The following SCYL2 variants were observed in gnomAD, a reference collection of about 807,000 sequenced individuals.
The protein encoded by SCYL2 is SCY1 like pseudokinase 2.
A neutral mutation model predicts 100.4 loss-of-function variants in SCYL2; 36 were observed. The observed-to-expected ratio is 0.36, with a 90% CI of 0.27 to 0.47. The LOEUF (loss-of-function observed/expected upper bound fraction) is 0.47, where lower values mean the gene tolerates loss of function less well. SCYL2 is among the 20% of genes least tolerant of loss of function. The pLI is 1.00. For synonymous variants in SCYL2, 330 were observed against 359.2 expected, an observed-to-expected ratio of 0.92 and a Z score of 0.92; for missense variants, 902 against 1,083.9, an observed-to-expected ratio of 0.83 and a Z score of 2.36.
At chr12:100,322,097 G>C (rs1312339236) in intron 10 of SCYL2, among the ~76,000 whole-genome samples, 1 of 150,538 alleles carries the variant, frequency 6.6e-6, no homozygotes, top group East Asian at 1.9e-4. Flanking sequence ...AAAGGGCCGG[G>C]CGCGGTGGCT....
intron 17 of SCYL2, among the ~76,000 whole-genome samples, chr12:100,338,261 CT>C (rs1344355530): frequency 6.6e-6 from 1 of 151,998 alleles, no homozygotes; most frequent in Non-Finnish European, 1.5e-5. Flanking sequence ...GAATGCGATT[CT>C]TTTTTTGACA....
intron 2 of SCYL2, among the ~76,000 whole-genome samples, chr12:100,287,954 G>A (rs1312656646): frequency 6.6e-6 from 1 of 152,200 alleles, no homozygotes; most frequent in Non-Finnish European, 1.5e-5. Context: ...AGGCACATAA[G>A]ACGTTGTTTC....
In SCYL2 at chr12:100,338,732, T is replaced by G. The variant is rs1413241140; in HGVS notation, c.2350T>G (p.Phe784Val). The stretch of plus-strand genomic sequence containing the variant: ...CAATATGGGCTTTCAGACTTCAGGA[T>G]TCAACATGCCCGTTAATACAAACCA... ...NANMGFQTSG[F>V]NMPVNTNQNF... Residue 784 changes from phenylalanine to valine, a missense_variant, in exon 18 of 18, where the codon TTC becomes GTC. Phe to Val is a conservative substitution (Grantham distance 50). Coordinates refer to ENST00000360820, the MANE Select transcript of SCYL2 (RefSeq NM_017988.6). 1.2e-6 allele frequency: 2 copies of G among 1,614,114 alleles called. No individual in the cohort carries two copies. The highest frequency in any genetic ancestry group is 4.5e-5 in the East Asian group (2 of 44,876).
intron 4 of SCYL2, among the ~76,000 whole-genome samples, chr12:100,305,427 G>C (rs1478376163): frequency 6.6e-6 from 1 of 152,128 alleles, no homozygotes; most frequent in African/African-American, 2.4e-5. Context: ...CGAAATTAAG[G>C]CAGAAATAAA....
intron 1 of SCYL2, among the ~76,000 whole-genome samples, chr12:100,280,562 C>T (rs1430826838): frequency 6.6e-6 from 1 of 152,150 alleles, no homozygotes; most frequent in African/African-American, 2.4e-5. Flanking sequence ...TGTCAACAGA[C>T]ATCATCACAA....
At position 100,315,743 on chromosome 12, in the gene SCYL2, T is replaced by C. The variant is rs1348274559; in HGVS notation, c.1272+9T>C. On this transcript the variant is annotated intron_variant, in intron 9 of 17. Transcript: ENST00000360820. ...AGCAGGAGCCAATCCAGGTATGTTA[T>C]AGATATTTTTGTGTATTTATCTACT... is the stretch of plus-strand genomic sequence containing the variant. 15 of 1,589,048 alleles carry C rather than the reference T, an allele frequency of 9.4e-6. No homozygotes were observed. The highest frequency in any genetic ancestry group is 1.7e-4 in the Middle Eastern group (1 of 5,968).
intron 3 of SCYL2, among the ~76,000 whole-genome samples, chr12:100,294,119 C>CT (rs2096314033): frequency 7.6e-6 from 1 of 131,832 alleles, no homozygotes. Context: ...GCAGAGGCGC[C>CT]CCTCACCTCC....
Position 100,298,194 on chromosome 12 carries a change from C to G in SCYL2, c.480+19C>G. The G allele has an allele frequency of 6.8e-7, 1 of 1,480,858 alleles. No homozygotes were observed. Among genetic ancestry groups the G allele is most frequent in the Non-Finnish European group, 9.0e-7 (1 of 1,105,128 alleles). The allele number at this position is 1,480,858 out of a possible 1,614,324, so 91.7% of individuals were successfully genotyped here. A position where few individuals can be genotyped will look rare whatever the true frequency, so the allele number is the denominator to read the frequency against. On this transcript the variant is annotated intron_variant, in intron 4 of 17. Transcript: ENST00000360820. Reference sequence around the variant, plus strand: ...GCTTCAGGTATGTATTTTTATTCATCATGTAAAAAAGAGTTGTTTCCTTTA... The same window carrying G: ...GCTTCAGGTATGTATTTTTATTCATGATGTAAAAAAGAGTTGTTTCCTTTA...
intron 1 of SCYL2, among the ~76,000 whole-genome samples, chr12:100,278,520 GT>G (rs2096294798): frequency 6.6e-6 from 1 of 151,644 alleles, no homozygotes; most frequent in Non-Finnish European, 1.5e-5. Flanking sequence ...AGTTTTGAAA[GT>G]TTTTTCCCCA....
intron 8 of SCYL2, among the ~76,000 whole-genome samples, chr12:100,315,048 G>C (rs959005103): frequency 4.6e-5 from 7 of 152,166 alleles, no homozygotes; most frequent in African/African-American, 1.4e-4. Flanking sequence ...AATAATTCCT[G>C]GTTGTAAAAA....
chr12:100,301,934 A>G (rs1204334341), intron 4 of SCYL2, among the ~76,000 whole-genome samples: 1 of 152,160 alleles, frequency 6.6e-6, no homozygotes, highest in Non-Finnish European at 1.5e-5. Flanking sequence ...GGGTATCACT[A>G]TTGGTTATTC....
At chr12:100,274,865 A>G (rs1592925396) in intron 1 of SCYL2, among the ~76,000 whole-genome samples, 1 of 152,188 alleles carries the variant, frequency 6.6e-6, no homozygotes, top group East Asian at 1.9e-4. Context: ...CCTTTTGACA[A>G]TTTAGTAAAG....
chr12:100,296,419 A>G (rs965908794), intron 3 of SCYL2, among the ~76,000 whole-genome samples: 1 of 152,208 alleles, frequency 6.6e-6, no homozygotes, highest in African/African-American at 2.4e-5. Flanking sequence ...GAGTTTTTCA[A>G]GAGTATGAGT....
chr12:100,335,667 G>T lies in SCYL2; in HGVS notation c.1905G>T (p.Met635Ile), dbSNP rs759036401. The T allele has an allele frequency of 4.4e-5, 71 of 1,611,112 alleles. No homozygotes were observed. The highest frequency in any genetic ancestry group is 5.6e-5 in the Non-Finnish European group (66 of 1,178,130). ...ATCAAATGAATGTTTCTGAGGAGAT[G>T]AAAGTTACAAATATTGGGAATCAGG... ...IGNQMNVSEE[M>I]KVTNIGNQQI... Residue 635 changes from methionine (M) to isoleucine (I), a missense_variant, in exon 15 of 18, where the codon ATG (methionine) becomes ATT (isoleucine). Transcript: ENST00000360820.
At chr12:100,327,280 G>A (rs1431242458) in intron 12 of SCYL2, 2 of 244,846 alleles carry the variant, frequency 8.2e-6, no homozygotes, top group Admixed American at 4.7e-5. Flanking sequence ...GTCTTAATTA[G>A]TATATTTTGT....
intron 2 of SCYL2, among the ~76,000 whole-genome samples, chr12:100,284,987 T>C (rs963893304): frequency 9.2e-5 from 14 of 152,120 alleles, no homozygotes; most frequent in African/African-American, 3.4e-4. Flanking sequence ...ACATGTGCAA[T>C]GTAGGGAGAC....
At chr12:100,302,671 C>T (rs2096329341) in intron 4 of SCYL2, among the ~76,000 whole-genome samples, 2 of 152,198 alleles carry the variant, frequency 1.3e-5, no homozygotes, top group Non-Finnish European at 2.9e-5. Context: ...CGACCTTTCT[C>T]TCTGGCTTAA....
rs869276181 is a variant in SCYL2, at chr12:100,271,281, A to AAAAAG, written c.-29+3490_-29+3491insAAAGA. Among the ~76,000 whole-genome samples, 825 of 128,784 alleles carry AAAAAG rather than the reference A, an allele frequency of 6.4e-3. 22 individuals carry two copies. Among genetic ancestry groups the AAAAAG allele is most frequent in the Middle Eastern group, 0.012 (3 of 248 alleles). 84.5% of individuals were successfully genotyped at this position (128,784 alleles called of 152,430 possible). On this transcript the variant is annotated intron_variant, in intron 1 of 17. Transcript: ENST00000360820. ...GCAGCAAAAAAAAAAAAAAAAAAAA[A>AAAAAG]AGAGAGAGAGAATATATCTTAAGAT...
chr12:100,289,260 A>G (rs541342307), intron 2 of SCYL2, among the ~76,000 whole-genome samples: 1 of 152,294 alleles, frequency 6.6e-6, no homozygotes, highest in South Asian at 2.1e-4. Context: ...TCTTTCTTGA[A>G]GACATGCATC....
Sources: gnomAD v4.1 joint callset for allele counts (sites outside exome capture counted in the v4.1 genomes callset) on GRCh38, gnomAD v4.1.1 for gene constraint, MANE v1.5 for transcripts, NCBI Gene and HGNC (gene_info 2026-07-23, HGNC 2026-07-21) for gene names.